MACROD2: variants seen among roughly 807,000 people sequenced by gnomAD.
The protein encoded by MACROD2 is ADP-ribose glycohydrolase MACROD2.
Under a neutral mutation model 70.4 loss-of-function variants are expected in MACROD2, and 36 were observed. That is an observed-to-expected ratio of 0.51 (90% CI 0.39 to 0.68). The LOEUF (loss-of-function observed/expected upper bound fraction) is 0.68. MACROD2 is among the 30% of genes least tolerant of loss of function. MACROD2 has a pLI of 0.00. For missense variants in MACROD2, 496 were observed against 538.4 expected (o/e 0.92, Z 0.78); for synonymous variants, 172 against 178.8 (o/e 0.96, Z 0.30).
intron 5 of MACROD2, among the ~76,000 whole-genome samples, chr20:14,897,049 A>C (rs1243134234): frequency 2.0e-5 from 3 of 152,228 alleles, no homozygotes; most frequent in African/African-American, 7.2e-5. Flanking sequence ...ACGATGTTAC[A>C]GTAGACTAAC....
intron 4 of MACROD2, among the ~76,000 whole-genome samples, chr20:14,551,620 C>A (rs771481544): frequency 8.5e-5 from 13 of 152,120 alleles, no homozygotes; most frequent in South Asian, 8.3e-4. Flanking sequence ...CAAAGATGGC[C>A]GAAGTGGAAG....
chr20:15,256,359 G>C (rs1382232552), intron 6 of MACROD2, among the ~76,000 whole-genome samples: 1 of 151,974 alleles, frequency 6.6e-6, no homozygotes, highest in Admixed American at 6.6e-5. Context: ...CCTTGTTCTA[G>C]AGTTCTTGAG....
chr20:14,687,159 G>A (rs1462060410), intron 5 of MACROD2, among the ~76,000 whole-genome samples: 1 of 152,140 alleles, frequency 6.6e-6, no homozygotes, highest in Non-Finnish European at 1.5e-5. Context: ...CAAGATTATT[G>A]ACTGTTTTCA....
chr20:15,613,598 C>G (rs994954115), intron 8 of MACROD2, among the ~76,000 whole-genome samples: 11 of 152,202 alleles, frequency 7.2e-5, no homozygotes, highest in African/African-American at 2.7e-4. Flanking sequence ...CCCATTAAAG[C>G]TTTACAATAA....
intron 4 of MACROD2, among the ~76,000 whole-genome samples, chr20:14,675,980 T>G (rs2070856092): frequency 6.6e-6 from 1 of 152,076 alleles, no homozygotes; most frequent in African/African-American, 2.4e-5. Context: ...AAGGGATCAA[T>G]GCAACAAGAA....
chr20:15,381,752 G>T (rs528893777), intron 6 of MACROD2, among the ~76,000 whole-genome samples: 2 of 152,150 alleles, frequency 1.3e-5, no homozygotes, highest in African/African-American at 4.8e-5. Flanking sequence ...ACTTACCAGC[G>T]TGGGAAGTGG....
At chr20:14,902,677 G>GA (rs1392626903) in intron 5 of MACROD2, among the ~76,000 whole-genome samples, 1 of 151,934 alleles carries the variant, frequency 6.6e-6, no homozygotes, top group African/African-American at 2.4e-5. Flanking sequence ...GAGAAAGACT[G>GA]AAAAAAATAG....
chr20:14,522,910 G>A (rs1001113682), intron 4 of MACROD2, among the ~76,000 whole-genome samples: 5 of 152,144 alleles, frequency 3.3e-5, no homozygotes, highest in Admixed American at 3.3e-4. Flanking sequence ...GCAGTGTTTA[G>A]TAATCTGTAG....
At chr20:15,290,214 CATG>C (rs992739577) in intron 6 of MACROD2, among the ~76,000 whole-genome samples, 1 of 152,042 alleles carries the variant, frequency 6.6e-6, no homozygotes, top group Non-Finnish European at 1.5e-5. Context: ...CTTTTGATTC[CATG>C]ATGATGTAAT....
At chr20:14,160,847 T>C (rs1481511187) in intron 3 of MACROD2, among the ~76,000 whole-genome samples, 3 of 152,152 alleles carry the variant, frequency 2.0e-5, no homozygotes, top group South Asian at 4.1e-4. Context: ...AAAATTTTTA[T>C]TTTATTTTAA....
intron 8 of MACROD2, among the ~76,000 whole-genome samples, chr20:15,676,682 G>A (rs2050061684): frequency 1.3e-5 from 2 of 152,126 alleles, no homozygotes; most frequent in Admixed American, 1.3e-4. Flanking sequence ...CATGGATCTT[G>A]TTAAATGTGA....
At chr20:15,621,157 A>C (rs1279743862) in intron 8 of MACROD2, among the ~76,000 whole-genome samples, 1 of 152,186 alleles carries the variant, frequency 6.6e-6, no homozygotes, top group East Asian at 1.9e-4. Context: ...TTTAGGCTGC[A>C]TTCACGTGAT....
At chr20:14,327,088 A>C in intron 3 of MACROD2, 1 of 1,613,788 alleles carries the variant, frequency 6.2e-7, no homozygotes, top group Non-Finnish European at 8.5e-7. Context: ...AACTGCAGAG[A>C]CAGAGTTGTC....
rs892800215 is a variant in MACROD2 at position 14,513,136 on chromosome 20, G to A, written c.301+19628G>A. ...TGAGGTTGTGATAAATGCTTGTGAGGTCTCTTATTTGTTGACTGTAAGCTT... is the reference window on the plus strand; with the variant it reads ...TGAGGTTGTGATAAATGCTTGTGAGATCTCTTATTTGTTGACTGTAAGCTT... On this transcript the variant is annotated intron_variant, in intron 4 of 17. Transcript: ENST00000684519. Among the ~76,000 whole-genome samples the A allele has an allele frequency of 2.6e-5, 4 of 152,082 alleles. No homozygotes were observed. In the South Asian group the frequency reaches 8.3e-4, roughly 31 times the overall value.
intron 8 of MACROD2, among the ~76,000 whole-genome samples, chr20:15,851,159 T>C (rs1399806197): frequency 6.6e-6 from 1 of 151,826 alleles, no homozygotes; most frequent in Non-Finnish European, 1.5e-5. Flanking sequence ...GTAGGAAGTT[T>C]ATCGGATTAT....
intron 4 of MACROD2, among the ~76,000 whole-genome samples, chr20:14,595,999 T>G (rs1487867396): frequency 1.3e-5 from 2 of 152,198 alleles, no homozygotes; most frequent in African/African-American, 2.4e-5. Context: ...AATACATTGC[T>G]TGAATGGGTT....
chr20:15,544,541 C>T (rs1407023118), intron 8 of MACROD2, among the ~76,000 whole-genome samples: 5 of 152,138 alleles, frequency 3.3e-5, no homozygotes, highest in Non-Finnish European at 5.9e-5. Context: ...TATTCACCTG[C>T]GAGGAGAGTC....
At chr20:14,055,828 A>G (rs1218329588) in intron 2 of MACROD2, among the ~76,000 whole-genome samples, 4 of 151,186 alleles carry the variant, frequency 2.6e-5, no homozygotes, top group Non-Finnish European at 5.9e-5. Context: ...TTTGTGTTCT[A>G]TAACTTCTAG....
intron 12 of MACROD2, among the ~76,000 whole-genome samples, chr20:15,951,317 A>ACG (rs1395432105): frequency 1.4e-5 from 2 of 142,036 alleles, no homozygotes; most frequent in East Asian, 2.0e-4. Context: ...ACACACACAC[A>ACG]CACACACACA....
Sources: allele counts gnomAD v4.1 joint callset (sites outside exome capture counted in the v4.1 genomes callset), GRCh38; gene constraint gnomAD v4.1.1; transcripts MANE v1.5; gene names NCBI Gene and HGNC (gene_info 2026-07-23, HGNC 2026-07-21).